PRKG1: variants seen among roughly 807,000 people sequenced by gnomAD.
The protein encoded by PRKG1 is protein kinase cGMP-dependent 1.
In PRKG1, 35 loss-of-function variants were observed where a neutral mutation model predicts 88.1. That is an observed-to-expected ratio of 0.40 (90% CI 0.30 to 0.53). The LOEUF (loss-of-function observed/expected upper bound fraction) is 0.53. Among genes scored for constraint, PRKG1 ranks in the 20% least tolerant of loss-of-function variants. PRKG1 has a pLI of 0.59. For missense variants in PRKG1, 540 were observed against 839.8 expected (o/e 0.64, Z 4.41); for synonymous variants, 303 against 292.5 (o/e 1.04, Z -0.37).
chr10:51,382,250 G>A (rs1746509404), intron 2 of PRKG1, among the ~76,000 whole-genome samples: 1 of 152,044 alleles, frequency 6.6e-6, no homozygotes, highest in African/African-American at 2.4e-5. Flanking sequence ...TTAGAATGGA[G>A]GCTATTCTTA....
intron 5 of PRKG1, among the ~76,000 whole-genome samples, chr10:51,970,476 T>A (rs942591067): frequency 2.8e-4 from 43 of 151,626 alleles, no homozygotes; most frequent in Admixed American, 9.9e-4. Context: ...TTTAAAACCT[T>A]GTTTTATAAG....
chr10:51,273,554 A>T (rs1840037706), intron 2 of PRKG1, among the ~76,000 whole-genome samples: 1 of 152,116 alleles, frequency 6.6e-6, no homozygotes, highest in Admixed American at 6.6e-5. Flanking sequence ...TAAAATCAGA[A>T]GCAGTAATCT....
At chr10:51,328,122 C>T (rs554578781) in intron 2 of PRKG1, among the ~76,000 whole-genome samples, 80 of 152,272 alleles carry the variant, frequency 5.3e-4, no homozygotes, top group Admixed American at 5.9e-4. Context: ...TCTTCTCAAC[C>T]GCTTCCAAAA....
rs568126773 is a variant in PRKG1, at chr10:51,476,341, C to T, written c.592+8505C>T. 2.6e-5 allele frequency among the ~76,000 whole-genome samples: 4 copies of T among 152,092 alleles called. No homozygotes were observed. The South Asian group carries it at 8.3e-4, about 32-fold the overall frequency. On this transcript the variant is annotated intron_variant, in intron 3 of 17. Transcript: ENST00000373980. ...ATAGATCCTAGAGAATAAATATTGA[C>T]TTCTCAGAAGGCAGGTAAAAAAAGA...
chr10:51,166,265 G>A (rs1455322077), intron 2 of PRKG1, among the ~76,000 whole-genome samples: 1 of 151,418 alleles, frequency 6.6e-6, no homozygotes, highest in African/African-American at 2.4e-5. Context: ...CCAGTGTGAA[G>A]ATTTTTATTG....
intron 7 of PRKG1, among the ~76,000 whole-genome samples, chr10:52,068,681 T>TTCA (rs141898847): frequency 0.17 from 26,219 of 151,886 alleles, 2,848 homozygotes; most frequent in South Asian, 0.28. Flanking sequence ...CATCATCATC[T>TTCA]TCATCATCAT....
chr10:52,161,880 G>C lies in PRKG1; in HGVS notation c.1002-9G>C, dbSNP rs200218082. ...GAAGATTAATCACTGTGCTTTTTTC[G>C]TCTGACAGCTCTTTTAAACATTTGA... On this transcript the variant is annotated splice_polypyrimidine_tract_variant and intron_variant, in intron 8 of 17. Transcript: ENST00000373980. 1 of 1,610,400 alleles carries C rather than the reference G, an allele frequency of 6.2e-7. No individual in the cohort carries two copies. The highest frequency in any genetic ancestry group is 2.2e-5 in the East Asian group (1 of 44,698).
chr10:52,128,177 A>G (rs1837152532), intron 7 of PRKG1: 2 of 985,218 alleles, frequency 2.0e-6, no homozygotes, highest in South Asian at 9.4e-5. Flanking sequence ...TGACCCCGGG[A>G]TTGCTGTAAG....
rs768558660 is a variant in PRKG1, at chr10:52,099,803, A to G, written c.936-34037A>G. Among the ~76,000 whole-genome samples the G allele has an allele frequency of 3.9e-5, 6 of 152,180 alleles. No homozygotes were observed. The South Asian group carries it at 6.2e-4, about 16-fold the overall frequency. On this transcript the variant is annotated intron_variant, in intron 7 of 17. Coordinates refer to ENST00000373980, the MANE Select transcript of PRKG1 (RefSeq NM_006258.4). ...AGCCACGCAGTCCTGAGTTGACTTCATTCTGTAAGGCTCCTTTTCCTCATT... is the reference window on the plus strand; with the variant it reads ...AGCCACGCAGTCCTGAGTTGACTTCGTTCTGTAAGGCTCCTTTTCCTCATT...
chr10:51,961,384 T>C (rs1264471971), intron 5 of PRKG1, among the ~76,000 whole-genome samples: 8 of 137,038 alleles, frequency 5.8e-5, no homozygotes, highest in African/African-American at 2.2e-4. Context: ...ACTGTATTTA[T>C]TGAAAAAAAA....
chr10:51,217,957 A>T (rs1338417175), intron 2 of PRKG1, among the ~76,000 whole-genome samples: 1 of 152,126 alleles, frequency 6.6e-6, no homozygotes, highest in African/African-American at 2.4e-5. Context: ...CTCAGGTCTT[A>T]CAAGTGATTA....
At chr10:51,728,766 T>G (rs973935947) in intron 3 of PRKG1, among the ~76,000 whole-genome samples, 1 of 152,154 alleles carries the variant, frequency 6.6e-6, no homozygotes, top group Non-Finnish European at 1.5e-5. Context: ...AGGTGTACTT[T>G]AAGTGCAGGT....
intron 3 of PRKG1, among the ~76,000 whole-genome samples, chr10:51,787,778 C>A (rs1008358073): frequency 6.6e-6 from 1 of 152,122 alleles, no homozygotes; most frequent in Non-Finnish European, 1.5e-5. Context: ...TAAATATTAT[C>A]TTTTGCTCTT....
At chr10:51,191,409 G>A (rs1394269322) in intron 2 of PRKG1, among the ~76,000 whole-genome samples, 3 of 151,916 alleles carry the variant, frequency 2.0e-5, no homozygotes, top group Admixed American at 6.6e-5. Context: ...TACCTTGTAG[G>A]TTTGTGGTGA....
intron 2 of PRKG1, among the ~76,000 whole-genome samples, chr10:51,377,036 T>C (rs1842832054): frequency 6.6e-6 from 1 of 152,070 alleles, no homozygotes; most frequent in African/African-American, 2.4e-5. Flanking sequence ...CAAATGTCCA[T>C]AGATTGTGTT....
chr10:51,542,022 A>G (rs752994048), intron 3 of PRKG1, among the ~76,000 whole-genome samples: 5 of 152,080 alleles, frequency 3.3e-5, no homozygotes, highest in Non-Finnish European at 7.4e-5. Flanking sequence ...TCTTGACCCC[A>G]GTCCCCAGGC....
In PRKG1 at chr10:52,255,150, T is replaced by G. The variant is rs150215222; in HGVS notation, c.1173+3484T>G. 5.9e-5 allele frequency among the ~76,000 whole-genome samples: 9 copies of G among 152,236 alleles called. No individual in the cohort carries two copies. The Middle Eastern group carries it at 0.01, about 173-fold the overall frequency. ...ATAGTATCACTTTCAGCAAAAGAAC[T>G]CAGCTCTCTTTTTATATATGACTTA... On this transcript the variant is annotated intron_variant, in intron 10 of 17. Coordinates refer to ENST00000373980, the MANE Select transcript of PRKG1 (RefSeq NM_006258.4).
intron 4 of PRKG1, among the ~76,000 whole-genome samples, chr10:51,840,890 A>G (rs896072669): frequency 6.6e-6 from 1 of 152,198 alleles, no homozygotes. Flanking sequence ...TGAAGAGTCT[A>G]TAACACTTAT....
At chr10:51,876,367 G>C (rs548155343) in intron 4 of PRKG1, among the ~76,000 whole-genome samples, 1 of 152,304 alleles carries the variant, frequency 6.6e-6, no homozygotes, top group African/African-American at 2.4e-5. Context: ...TCAGACTACA[G>C]AGGTAGCTGC....
Sources: allele counts gnomAD v4.1 joint callset (sites outside exome capture counted in the v4.1 genomes callset), GRCh38; gene constraint gnomAD v4.1.1; transcripts MANE v1.5; gene names NCBI Gene and HGNC (gene_info 2026-07-23, HGNC 2026-07-21).